The following NELFCD variants were observed in gnomAD, a reference collection of about 807,000 sequenced individuals.
NELFCD encodes the protein negative elongation factor C/D.
NELFCD carries 48 observed loss-of-function variants against 72.9 expected under a neutral mutation model. That is an observed-to-expected ratio of 0.66 (90% CI 0.52 to 0.84). NELFCD has a LOEUF of 0.84. NELFCD is among the 40% of genes least tolerant of loss of function. The pLI, the probability that NELFCD is intolerant of heterozygous loss-of-function variation, is 0.00. For synonymous variants in NELFCD, 297 were observed against 280.6 expected (o/e 1.06, Z -0.59); for missense variants, 538 against 723.8 (o/e 0.74, Z 2.94).
rs1391622180 is a variant in NELFCD at position 58,986,333 on chromosome 20, G to A, written c.176+125G>A. 3 of 653,006 alleles carry A rather than the reference G, an allele frequency of 4.6e-6. No individual in the cohort carries two copies. Among genetic ancestry groups the A allele is most frequent in the African/African-American group, 3.7e-5 (2 of 54,008 alleles). 40.5% of individuals were successfully genotyped at this position (653,006 alleles called of 1,614,324 possible). A position where few individuals can be genotyped will look rare whatever the true frequency, so the allele number is the denominator to read the frequency against. ...GAACTGAACTAAAGGCTTCAAGGGG[G>A]GGTCCCCTCTGCCACTTTTTTTTTT... On this transcript the variant is annotated intron_variant, in intron 2 of 14. Transcript: ENST00000652272. This position sits in a 1 kb window ranked among gnomAD's most constrained non-coding sequence, Gnocchi z 4.4.
Position 58,994,911 on chromosome 20 carries a change from T to C in NELFCD, c.*235T>C. On this transcript the variant is annotated 3_prime_UTR_variant, in exon 15 of 15. Coordinates refer to ENST00000652272, the MANE Select transcript of NELFCD (RefSeq NM_198976.4). ...CTGCTCCCAAATCCTGTTTTCAGTGTTCATTTCCCTCAAGGCAGGCGCTGG... is the reference window on the plus strand; with the variant it reads ...CTGCTCCCAAATCCTGTTTTCAGTGCTCATTTCCCTCAAGGCAGGCGCTGG... The C allele has an allele frequency of 3.8e-6, 2 of 531,244 alleles. No homozygotes were observed. Among genetic ancestry groups the C allele is most frequent in the Non-Finnish European group, 3.3e-6 (1 of 300,380 alleles). 32.9% of individuals were successfully genotyped at this position (531,244 alleles called of 1,614,324 possible).
chr20:58,992,859 A>AG, intron 10 of NELFCD, 139 bp from the exon 11 acceptor site: 1 of 616,098 alleles, frequency 1.6e-6, no homozygotes, highest in East Asian at 2.8e-5. Flanking sequence ...AAAAAAAAAA[A>AG]AAAAAAAGGG....
intron 4 of NELFCD, 61 bp downstream of exon 4, chr20:58,987,878 G>A (rs765205596): frequency 7.2e-6 from 9 of 1,242,362 alleles, no homozygotes; most frequent in Non-Finnish European, 1.1e-5. Flanking sequence ...AATTCCCTGT[G>A]TACAGTGGAG....
intron 5 of NELFCD, 194 bp downstream of exon 5, chr20:58,989,215 TAGGATTTAGC>T: frequency 1.6e-6 from 1 of 622,490 alleles, no homozygotes; most frequent in Non-Finnish European, 2.8e-6. Context: ...GACTGTGTTT[TAGGATTTAGC>T]AGGGATACAA....
chr20:58,982,417 CA>C (rs1316274770), intron 1 of NELFCD, among the ~76,000 whole-genome samples: 1 of 152,082 alleles, frequency 6.6e-6, no homozygotes, highest in Non-Finnish European at 1.5e-5. Context: ...CTCTGCCTCC[CA>C]AAGTACTGGG....
In NELFCD at chr20:58,991,326, C is replaced by T. The variant is rs1363347630; in HGVS notation, c.969C>T (p.Ala323=). The change falls in exon 9 of 15, where the codon GCC becomes GCT. Residue 323 remains alanine (A), a synonymous_variant. Transcript: ENST00000652272. The part of the protein sequence containing the change: ...PPPVELIRVP[A]FLDLFMQSLF... ...CTTCTCCTCAGATCCGCGTTCCAGC[C>T]TTCCTGGACCTGTTCATGCAGTCAC... 6.2e-7 allele frequency: 1 copy of T among 1,614,080 alleles called. No homozygotes were observed. Among genetic ancestry groups the T allele is most frequent in the Non-Finnish European group, 8.5e-7 (1 of 1,180,052 alleles).
chr20:58,982,140 A>ATTTTTTTTTT (rs751696443), intron 1 of NELFCD, among the ~76,000 whole-genome samples: 1 of 68,360 alleles, frequency 1.5e-5, no homozygotes, highest in Admixed American at 2.0e-4. Context: ...GGGAACTTGC[A>ATTTTTTTTTT]TTTTTTTTTT....
intron 7 of NELFCD, 51 bp from the exon 8 acceptor site, chr20:58,990,859 A>T (rs2091810921): frequency 2.0e-6 from 3 of 1,522,124 alleles, no homozygotes; most frequent in Non-Finnish European, 2.7e-6. Flanking sequence ...AAAAGAACAG[A>T]AAAAAGAAGC....
rs2091731196 is a variant in NELFCD, at chr20:58,981,436, A to G, written c.60+67A>G. 1.0e-5 allele frequency: 7 copies of G among 695,336 alleles called. No individual in the cohort carries two copies. In the South Asian group the frequency reaches 3.9e-4, roughly 38 times the overall value. The allele number at this position is 695,336 out of a possible 1,614,324, so 43.1% of individuals were successfully genotyped here. A position where few individuals can be genotyped will look rare whatever the true frequency, so the allele number is the denominator to read the frequency against. On this transcript the variant is annotated intron_variant, in intron 1 of 14. Coordinates refer to ENST00000652272, the MANE Select transcript of NELFCD (RefSeq NM_198976.4). ...TCTCCGCCGCCGGCGGGCCGGCCCCACTCCCGGAGAGGCCGCGCGGCGCGA... is the reference window on the plus strand; with the variant it reads ...TCTCCGCCGCCGGCGGGCCGGCCCCGCTCCCGGAGAGGCCGCGCGGCGCGA...
rs1192508900 is a variant in NELFCD at position 58,993,734 on chromosome 20, C to CCA, written c.1551_1552insCA (p.Ile518GlnfsTer50). ...AGTGTCTGGAGAAGCTGGACACTGA[C>CCA]ATTTCACTCATTCGCTATTTTGTCA... On this transcript the variant is annotated frameshift_variant, in exon 13 of 15. Coordinates refer to ENST00000652272, the MANE Select transcript of NELFCD (RefSeq NM_198976.4). LOFTEE classifies it high-confidence loss of function. The surrounding 1 kb of genome is among the most constrained non-coding windows in gnomAD (Gnocchi z 5.0). 6.2e-7 allele frequency: 1 copy of CCA among 1,614,124 alleles called. No individual in the cohort carries two copies. The highest frequency in any genetic ancestry group is 1.7e-5 in the Admixed American group (1 of 60,008).
Position 58,990,966 on chromosome 20 carries a change from G to A in NELFCD, c.845G>A (p.Arg282Lys), listed in dbSNP as rs1291363898. The change falls in exon 8 of 15, where the codon AGG becomes AAG. Residue 282 changes from arginine to lysine, a missense_variant. Transcript: ENST00000652272. The stretch of plus-strand genomic sequence containing the variant: ...TTGGGCACAGCTGCCTCCTACCCCA[G>A]GGCCTGCCAGGCTCTCGGGGCCATG... ...LALGTAASYP[R>K]ACQALGAMLS... The A allele has an allele frequency of 6.2e-7, 1 of 1,614,084 alleles. No individual in the cohort carries two copies. Among genetic ancestry groups the A allele is most frequent in the African/African-American group, 1.3e-5 (1 of 74,934 alleles).
Position 58,987,740 on chromosome 20 carries a change from G to A in NELFCD, c.319G>A (p.Glu107Lys), listed in dbSNP as rs777489642. 1 of 1,614,204 alleles carries A rather than the reference G, an allele frequency of 6.2e-7. No homozygotes were observed. Among genetic ancestry groups the A allele is most frequent in the South Asian group, 1.1e-5 (1 of 91,078 alleles). ...GCCAGTGCAGGTTCAGGAAACTGTG[G>A]AAAATCACTTGAAGAGTTTGCTGAT... ...VEPVQVQETVENHLKSLLIKH... is the reference protein window; with the variant it reads ...VEPVQVQETVKNHLKSLLIKH... The change falls in exon 4 of 15, where the codon GAA becomes AAA. Residue 107 changes from glutamate (E) to lysine (K), a missense_variant. Transcript: ENST00000652272.
chr20:58,994,634 C>T lies in NELFCD; in HGVS notation c.1712-8C>T, dbSNP rs768561733. On this transcript the variant is annotated splice_region_variant and splice_polypyrimidine_tract_variant and intron_variant, in intron 14 of 14. Coordinates refer to ENST00000652272, the MANE Select transcript of NELFCD (RefSeq NM_198976.4). The stretch of plus-strand genomic sequence containing the variant: ...TTTCTAACACAGTCACTGTTTTCCT[C>T]GTTAAAGCTCACTGCAAATCTAACT... 4.7e-5 allele frequency: 75 copies of T among 1,603,810 alleles called. No homozygotes were observed. The Admixed American group carries it at 9.0e-4, about 19-fold the overall frequency.
chr20:58,989,535 A>T lies in NELFCD; in HGVS notation c.552A>T (p.Thr184=). The T allele has an allele frequency of 6.2e-7, 1 of 1,614,220 alleles. No individual in the cohort carries two copies. Among genetic ancestry groups the T allele is most frequent in the Non-Finnish European group, 8.5e-7 (1 of 1,180,038 alleles). The change falls in exon 6 of 15, where the codon ACA becomes ACT. Residue 184 remains threonine, a synonymous_variant. Transcript: ENST00000652272. ...GYQGEITSVS[T]ACQQLEVFSR... is the part of the protein sequence containing the mutation. ...AGGGGGAGATCACCAGTGTGTCCAC[A>T]GCATGCCAGCAGCTAGAAGTGTTCT...
At chr20:58,991,145 TTGTC>T in intron 8 of NELFCD, 70 bp downstream of exon 8, 3 of 1,574,774 alleles carry the variant, frequency 1.9e-6, no homozygotes, top group Non-Finnish European at 2.6e-6. Context: ...GCTTGTCTGA[TTGTC>T]TGAAGGCTGT....
At position 58,981,319 on chromosome 20, in the gene NELFCD, G is replaced by A. The variant is rs749283750; in HGVS notation, c.10G>A (p.Asp4Asn). ...CGTGCCGGGCGCCATCATGGACGAG[G>A]ACTACTACGGGAGCGCGGCCGAGTG... Reference protein sequence around the residue: MDEDYYGSAAEWGD... With the variant: MDENYYGSAAEWGD... The change falls in exon 1 of 15, where the codon GAC becomes AAC. Residue 4 changes from aspartate to asparagine, a missense_variant. Asp to Asn is a conservative substitution (Grantham distance 23, BLOSUM62 1). This residue lies in a region of NELFCD where 47 missense variants were observed against 35.3 expected (regional missense o/e 1.33). Coordinates refer to ENST00000652272, the MANE Select transcript of NELFCD (RefSeq NM_198976.4). 56 of 1,099,054 alleles carry A rather than the reference G, an allele frequency of 5.1e-5. No homozygotes were observed. The highest frequency in any genetic ancestry group is 6.1e-5 in the Non-Finnish European group (55 of 899,330). The allele number at this position is 1,099,054 out of a possible 1,614,324, so 68.1% of individuals were successfully genotyped here. A position where few individuals can be genotyped will look rare whatever the true frequency, so the allele number is the denominator to read the frequency against.
chr20:58,986,910 T>A lies in NELFCD; in HGVS notation c.286+47T>A, dbSNP rs774991519. 28 of 1,256,144 alleles carry A rather than the reference T, an allele frequency of 2.2e-5. No individual in the cohort carries two copies. Among genetic ancestry groups the A allele is most frequent in the East Asian group, 1.4e-4 (6 of 42,548 alleles). The allele number at this position is 1,256,144 out of a possible 1,614,324, so 77.8% of individuals were successfully genotyped here. A position where few individuals can be genotyped will look rare whatever the true frequency, so the allele number is the denominator to read the frequency against. On this transcript the variant is annotated intron_variant, in intron 3 of 14. Transcript: ENST00000652272. The surrounding 1 kb of genome is among the most constrained non-coding windows in gnomAD (Gnocchi z 4.4). ...TCCTGGCTAGTTACCCCCACTTTTT[T>A]AAAAATAGACTTTTGGGTCCTTATA...
At chr20:58,994,490 A>C (rs1362725292) in intron 14 of NELFCD, 152 bp from the exon 15 acceptor site, 2 of 707,990 alleles carry the variant, frequency 2.8e-6, no homozygotes, top group Non-Finnish European at 4.8e-6. Flanking sequence ...TTAACCTGGG[A>C]GGCAGAGGTT....
At chr20:58,988,804 C>T in intron 4 of NELFCD, 110 bp from the exon 5 acceptor site, 2 of 755,970 alleles carry the variant, frequency 2.6e-6, no homozygotes, top group African/African-American at 1.7e-5. Context: ...ACTAGATGCC[C>T]ATGGGGAGTC....
Sources: gnomAD v4.1 joint callset for allele counts (sites outside exome capture counted in the v4.1 genomes callset) on GRCh38, gnomAD v4.1.1 for gene constraint, gnomAD v4.1.1 regional missense constraint, Gnocchi (gnomAD v3.1) non-coding constraint, MANE v1.5 for transcripts, NCBI Gene and HGNC (gene_info 2026-07-23, HGNC 2026-07-21) for gene names.